RAB3C: variants seen among roughly 807,000 people sequenced by gnomAD.
The protein encoded by RAB3C is ras-related protein Rab-3C.
A neutral mutation model predicts 26.4 loss-of-function variants in RAB3C; 17 were observed. The observed-to-expected ratio is 0.64, with a 90% CI of 0.44 to 0.97. RAB3C has a LOEUF of 0.97. Ranked by LOEUF, RAB3C falls within the 50% of genes least tolerant of loss-of-function variation. The pLI, the probability that RAB3C is intolerant of heterozygous loss-of-function variation, is 0.00. For missense variants in RAB3C, 242 were observed against 281.9 expected, an observed-to-expected ratio of 0.86 and a Z score of 1.01; for synonymous variants, 91 against 95.9, an observed-to-expected ratio of 0.95 and a Z score of 0.30.
At chr5:58,848,069 C>T (rs539815952) in intron 4 of RAB3C, among the ~76,000 whole-genome samples, 1 of 152,248 alleles carries the variant, frequency 6.6e-6, no homozygotes, top group South Asian at 2.1e-4. Flanking sequence ...GTTGGCCAGG[C>T]TGGTCTCGAA....
intron 3 of RAB3C, among the ~76,000 whole-genome samples, chr5:58,802,213 C>G (rs1215643635): frequency 6.6e-6 from 1 of 152,148 alleles, no homozygotes; most frequent in South Asian, 2.1e-4. Flanking sequence ...TCACAAACCC[C>G]CTTTACCTTC....
chr5:58,650,393 G>A lies in RAB3C; in HGVS notation c.252+32523G>A, dbSNP rs559570188. On this transcript the variant is annotated intron_variant, in intron 2 of 4. Coordinates refer to ENST00000282878, the MANE Select transcript of RAB3C (RefSeq NM_138453.4). ...AAGAGGGAAGGGAGAGAGAAGGCTA[G>A]CATACAGAAAAGAGTAGCAGTCAAG... Among the ~76,000 whole-genome samples the A allele has an allele frequency of 2.0e-5, 3 of 152,150 alleles. No homozygotes were observed. In the South Asian group the frequency reaches 6.2e-4, roughly 32 times the overall value.
At chr5:58,650,494 G>A (rs1747620898) in intron 2 of RAB3C, among the ~76,000 whole-genome samples, 1 of 152,198 alleles carries the variant, frequency 6.6e-6, no homozygotes, top group African/African-American at 2.4e-5. Flanking sequence ...GAATTTGCAA[G>A]TAATACGGTT....
chr5:58,813,625 TATATATATACAC>T (rs1295182184), intron 3 of RAB3C, among the ~76,000 whole-genome samples: 5,020 of 19,820 alleles, frequency 0.25, 259 homozygotes, highest in Middle Eastern at 0.53. Flanking sequence ...TATATATATA[TATATATATACAC>T]ACACACACAC....
At chr5:58,621,606 C>T (rs1471283914) in intron 2 of RAB3C, among the ~76,000 whole-genome samples, 1 of 152,192 alleles carries the variant, frequency 6.6e-6, no homozygotes, top group African/African-American at 2.4e-5. Flanking sequence ...GAAGGAGTCT[C>T]ACCCTCTTGC....
chr5:58,681,234 G>A (rs912255624), intron 2 of RAB3C, among the ~76,000 whole-genome samples: 1 of 151,966 alleles, frequency 6.6e-6, no homozygotes, highest in Non-Finnish European at 1.5e-5. Context: ...AAATTTAATC[G>A]ACAAATAAAA....
At chr5:58,768,650 A>G (rs949666104) in intron 3 of RAB3C, among the ~76,000 whole-genome samples, 3 of 151,964 alleles carry the variant, frequency 2.0e-5, no homozygotes. Context: ...GATCATATGA[A>G]GATTATGGGA....
intron 1 of RAB3C, among the ~76,000 whole-genome samples, chr5:58,612,512 GTGTGTGTGTATATATATA>G (rs770203424): frequency 0.15 from 10,333 of 69,568 alleles, 530 homozygotes; most frequent in Middle Eastern, 0.19. Flanking sequence ...GTGTGTGTGT[GTGTGTGTGTATATATATA>G]TATATATATA....
At chr5:58,842,653 TTG>T (rs1743900309) in intron 4 of RAB3C, among the ~76,000 whole-genome samples, 1 of 152,234 alleles carries the variant, frequency 6.6e-6, no homozygotes, top group South Asian at 2.1e-4. Flanking sequence ...ATCCTCTGCC[TTG>T]AGAGTTCAGT....
intron 3 of RAB3C, among the ~76,000 whole-genome samples, chr5:58,802,508 C>T (rs544795975): frequency 9.2e-5 from 14 of 152,294 alleles, no homozygotes; most frequent in African/African-American, 2.9e-4. Context: ...ATAAGAATGA[C>T]AATAATTAGA....
At position 58,856,985 on chromosome 5, in the gene RAB3C, T is replaced by G. The variant is rs1393824802; in HGVS notation, c.*5634T>G. ...TAGACTGTCCAAATGTACAACAATT[T>G]AATGGTGTTTGTAGAACTGATATGT... is the stretch of plus-strand genomic sequence containing the variant. On this transcript the variant is annotated 3_prime_UTR_variant, in exon 5 of 5. Transcript: ENST00000282878. 1 of 152,208 alleles carries G rather than the reference T, an allele frequency of 6.6e-6. No individual in the cohort carries two copies. The highest frequency in any genetic ancestry group is 2.4e-5 in the African/African-American group (1 of 41,446). 9.4% of individuals were successfully genotyped at this position (152,208 alleles called of 1,614,324 possible). A position where few individuals can be genotyped will look rare whatever the true frequency, so the allele number is the denominator to read the frequency against.
intron 3 of RAB3C, chr5:58,823,254 G>A (rs934662300): frequency 4.0e-5 from 10 of 247,950 alleles, no homozygotes; most frequent in African/African-American, 9.0e-5. Flanking sequence ...GGCTGGGCAC[G>A]GTGGCTCACA....
At chr5:58,729,750 TTTA>T (rs200099497) in intron 3 of RAB3C, among the ~76,000 whole-genome samples, 1,534 of 138,588 alleles carry the variant, frequency 0.011, 144 homozygotes, top group African/African-American at 0.044. Flanking sequence ...TATATTTATA[TTTA>T]TATATATACA....
chr5:58,735,318 A>C (rs1463132569), intron 3 of RAB3C, among the ~76,000 whole-genome samples: 2 of 152,216 alleles, frequency 1.3e-5, no homozygotes, highest in Non-Finnish European at 2.9e-5. Flanking sequence ...TGCTCTGAGC[A>C]TGTCTGCAAC....
intron 2 of RAB3C, among the ~76,000 whole-genome samples, chr5:58,711,760 C>T (rs1224022495): frequency 6.6e-6 from 1 of 152,118 alleles, no homozygotes; most frequent in African/African-American, 2.4e-5. Flanking sequence ...ATTACATTTT[C>T]TTTCCTCCAT....
intron 2 of RAB3C, among the ~76,000 whole-genome samples, chr5:58,682,300 C>T (rs1294363466): frequency 2.0e-5 from 3 of 152,146 alleles, no homozygotes; most frequent in Non-Finnish European, 2.9e-5. Flanking sequence ...TTCATTTTAT[C>T]GTCAAATAGC....
chr5:58,670,452 G>C (rs1748092092), intron 2 of RAB3C, among the ~76,000 whole-genome samples: 1 of 151,970 alleles, frequency 6.6e-6, no homozygotes, highest in African/African-American at 2.4e-5. Context: ...TGGTGATTTT[G>C]GACTTCCTGG....
chr5:58,750,064 T>C (rs1263123505), intron 3 of RAB3C, among the ~76,000 whole-genome samples: 1 of 152,200 alleles, frequency 6.6e-6, no homozygotes, highest in African/African-American at 2.4e-5. Context: ...AAATGTATAG[T>C]ATATTTGTTT....
intron 3 of RAB3C, among the ~76,000 whole-genome samples, chr5:58,744,447 G>A (rs900821930): frequency 2.6e-5 from 4 of 152,172 alleles, no homozygotes; most frequent in Non-Finnish European, 4.4e-5. Context: ...ATCGTCACAC[G>A]ATTCATCGGC....
Sources: allele counts gnomAD v4.1 joint callset (sites outside exome capture counted in the v4.1 genomes callset), GRCh38; gene constraint gnomAD v4.1.1; transcripts MANE v1.5; gene names NCBI Gene and HGNC (gene_info 2026-07-23, HGNC 2026-07-21).